Variants in TRANK1 observed in about 807,000 individuals in gnomAD.
TRANK1 encodes tetratricopeptide repeat and ankyrin repeat containing 1.
Under a neutral mutation model 266.0 loss-of-function variants are expected in TRANK1, and 198 were observed. The observed-to-expected ratio is 0.74, with a 90% CI of 0.66 to 0.84. The LOEUF is 0.84. Ranked by LOEUF, TRANK1 falls within the 40% of genes least tolerant of loss-of-function variation. The pLI is 0.00. For synonymous variants in TRANK1, 1,396 were observed against 1,384.1 expected (o/e 1.01, Z -0.19); for missense variants, 3,326 against 3,634.6 (o/e 0.92, Z 2.18).
At position 36,855,288 on chromosome 3, in the gene TRANK1, G is replaced by A. The variant is rs981465367; in HGVS notation, c.4434C>T (p.Phe1478=). The A allele has an allele frequency of 3.1e-6, 5 of 1,613,942 alleles. No individual in the cohort carries two copies. The highest frequency in any genetic ancestry group is 3.4e-6 in the Non-Finnish European group (4 of 1,179,912). ...QSIMKGVAFR[F]SDLRSLFHYA... ...AATGGAACAGAGAGCGCAGATCGCT[G>A]AAGCGGAAGGCCACGCCCTTCATGA... Residue 1478 remains phenylalanine, a synonymous_variant, in exon 13 of 24, where the codon TTC becomes TTT. Coordinates refer to ENST00000645898, the MANE Select transcript of TRANK1 (RefSeq NM_001329998.2).
intron 1 of TRANK1, among the ~76,000 whole-genome samples, chr3:36,943,146 C>T (rs1171213329): frequency 6.6e-6 from 1 of 151,618 alleles, no homozygotes; most frequent in East Asian, 1.9e-4. Flanking sequence ...GAGCCGAGAT[C>T]GCCTCATTGC....
intron 8 of TRANK1, among the ~76,000 whole-genome samples, chr3:36,879,781 AATATGTAAATATATAAATATACAAAT>A (rs2079466948): frequency 3.0e-5 from 2 of 67,684 alleles, no homozygotes; most frequent in African/African-American, 7.6e-5. Context: ...AATATATATA[AATATGTAAATATATAAATATACAAAT>A]ATATGTAAAT....
At position 36,857,499 on chromosome 3, in the gene TRANK1, C is replaced by A; in HGVS notation, c.2223G>T (p.Gln741His). Residue 741 changes from glutamine (Q) to histidine (H), a missense_variant, in exon 13 of 24, where the codon CAG becomes CAT. By Grantham distance (24) the Gln-to-His change is conservative. Coordinates refer to ENST00000645898, the MANE Select transcript of TRANK1 (RefSeq NM_001329998.2). The surrounding 1 kb of genome is among the most constrained non-coding windows in gnomAD (Gnocchi z 4.3). ...CLMQDITVLIQQVEVDPSFPE... is the reference protein window; with the variant it reads ...CLMQDITVLIHQVEVDPSFPE... ...GGAAAGACGGATCCACTTCAACCTG[C>A]TGAATCAAAACTGTGATGTCCTGCA... is the stretch of plus-strand genomic sequence containing the variant. 2 of 1,614,000 alleles carry A rather than the reference C, an allele frequency of 1.2e-6. No individual in the cohort carries two copies. Among genetic ancestry groups the A allele is most frequent in the Non-Finnish European group, 1.7e-6 (2 of 1,179,866 alleles).
chr3:36,844,522 C>T (rs1163240368), intron 17 of TRANK1, among the ~76,000 whole-genome samples: 2 of 152,296 alleles, frequency 1.3e-5, no homozygotes, highest in East Asian at 3.9e-4. Context: ...CCACCACGCC[C>T]AGCCATATGA....
At chr3:36,840,428 T>C (rs1176047963) in intron 18 of TRANK1, among the ~76,000 whole-genome samples, 1 of 151,858 alleles carries the variant, frequency 6.6e-6, no homozygotes, top group Non-Finnish European at 1.5e-5. Context: ...TTTCACCCCA[T>C]ATAATACATT....
chr3:36,885,126 AC>A (rs1392390955), intron 8 of TRANK1, among the ~76,000 whole-genome samples: 1 of 152,148 alleles, frequency 6.6e-6, no homozygotes, highest in Non-Finnish European at 1.5e-5. Context: ...ATACTCATTA[AC>A]TACAAAAGAA....
At chr3:36,837,806 C>G (rs973854292) in intron 20 of TRANK1, among the ~76,000 whole-genome samples, 1 of 152,228 alleles carries the variant, frequency 6.6e-6, no homozygotes, top group Non-Finnish European at 1.5e-5. Flanking sequence ...TCCAACAGAG[C>G]TTTCTGCAAT....
rs866652261 is a variant in TRANK1, at chr3:36,879,625, T to C, written c.908-5329A>G. On this transcript the variant is annotated intron_variant, in intron 8 of 23. Coordinates refer to ENST00000645898, the MANE Select transcript of TRANK1 (RefSeq NM_001329998.2). ...ATATATATAAATATACAAATATATA[T>C]AAATATATATAAATATACAAATATA... 3.8e-5 allele frequency among the ~76,000 whole-genome samples: 4 copies of C among 105,858 alleles called. 1 individual carries two copies. The highest frequency in any genetic ancestry group is 6.9e-5 in the Non-Finnish European group (4 of 58,210). The allele number at this position is 105,858 out of a possible 152,430, so 69.4% of individuals were successfully genotyped here. A position where few individuals can be genotyped will look rare whatever the true frequency, so the allele number is the denominator to read the frequency against.
intron 14 of TRANK1, 79 bp downstream of exon 14, chr3:36,852,066 GT>G: frequency 7.0e-7 from 1 of 1,432,642 alleles, no homozygotes; most frequent in Non-Finnish European, 9.3e-7. Flanking sequence ...ATGCTACTTT[GT>G]GGTATAATTT....
At chr3:36,901,275 T>C (rs903244900) in intron 3 of TRANK1, among the ~76,000 whole-genome samples, 1 of 152,064 alleles carries the variant, frequency 6.6e-6, no homozygotes, top group Non-Finnish European at 1.5e-5. Context: ...TCTGAAGAAA[T>C]GAGGACTGCC....
chr3:36,864,261 A>G, intron 10 of TRANK1, 58 bp downstream of exon 10: 1 of 1,428,108 alleles, frequency 7.0e-7, no homozygotes, highest in Non-Finnish European at 9.2e-7. Flanking sequence ...ATATTAGAAA[A>G]GAATTTTAAT....
chr3:36,842,468 T>C (rs1391775690), intron 18 of TRANK1, among the ~76,000 whole-genome samples, 154 bp downstream of exon 18: 3 of 152,204 alleles, frequency 2.0e-5, no homozygotes, highest in East Asian at 1.9e-4. Flanking sequence ...CAGGAAGCTC[T>C]CCTCATCTTG....
intron 8 of TRANK1, among the ~76,000 whole-genome samples, chr3:36,882,323 G>A (rs968270686): frequency 2.6e-5 from 4 of 152,120 alleles, no homozygotes; most frequent in African/African-American, 9.7e-5. Flanking sequence ...TTAGAAAGGT[G>A]ATTCAAAGAC....
In TRANK1 at chr3:36,861,118, G is replaced by A; in HGVS notation, c.1283C>T (p.Ala428Val). Reference protein sequence around the residue: ...DLVCDINQDCATTVFKFLLEK... With the variant: ...DLVCDINQDCVTTVFKFLLEK... ...CAATAAGAATTTGAAGACGGTGGTG[G>A]CACAGTCTTGATTAATATCACAGAC... The change falls in exon 11 of 24, where the codon GCC becomes GTC. Residue 428 changes from alanine (A) to valine (V), a missense_variant. Physicochemically the swap from Ala to Val is moderately conservative, Grantham distance 64. Transcript: ENST00000645898. The A allele has an allele frequency of 2.0e-6, 3 of 1,537,344 alleles. No homozygotes were observed. The highest frequency in any genetic ancestry group is 2.6e-6 in the Non-Finnish European group (3 of 1,146,908).
intron 17 of TRANK1, among the ~76,000 whole-genome samples, chr3:36,845,935 T>G (rs1263542453): frequency 6.6e-6 from 1 of 152,232 alleles, no homozygotes. Flanking sequence ...ATAGATACTG[T>G]TAATCAGCTG....
rs1303563954 is a variant in TRANK1 at position 36,891,816 on chromosome 3, C to T, written c.775+386G>A. ...TGTGTCCCACAACACAGCCGTCAAC[C>T]CTAGAGTGAAAATGAACCGAGAGAA... On this transcript the variant is annotated intron_variant, in intron 7 of 23. Coordinates refer to ENST00000645898, the MANE Select transcript of TRANK1 (RefSeq NM_001329998.2). 3.9e-5 allele frequency among the ~76,000 whole-genome samples: 6 copies of T among 152,312 alleles called. No individual in the cohort carries two copies. The South Asian group carries it at 1.2e-3, about 32-fold the overall frequency.
At chr3:36,850,774 A>C in intron 15 of TRANK1, 1 of 985,462 alleles carries the variant, frequency 1.0e-6, no homozygotes, top group Non-Finnish European at 1.2e-6. Flanking sequence ...CATTTAAAAA[A>C]TGATAAGAAA....
At chr3:36,862,131 T>C (rs1049073859) in intron 10 of TRANK1, among the ~76,000 whole-genome samples, 8 of 152,194 alleles carry the variant, frequency 5.3e-5, no homozygotes, top group African/African-American at 1.4e-4. Context: ...TAAGTATATA[T>C]ATGCAATATT....
intron 1 of TRANK1, among the ~76,000 whole-genome samples, chr3:36,930,467 T>C (rs557225580): frequency 1.2e-4 from 19 of 152,272 alleles, no homozygotes; most frequent in Non-Finnish European, 2.4e-4. Context: ...ACTTCTAACC[T>C]ATGGACTGTG....
Sources: allele counts gnomAD v4.1 joint callset (sites outside exome capture counted in the v4.1 genomes callset), GRCh38; gene constraint gnomAD v4.1.1; non-coding constraint Gnocchi (gnomAD v3.1); transcripts MANE v1.5; gene names NCBI Gene and HGNC (gene_info 2026-07-23, HGNC 2026-07-21).